IGF1R: variants seen among roughly 807,000 people sequenced by gnomAD.
IGF1R encodes insulin-like growth factor 1 receptor.
A neutral mutation model predicts 144.6 loss-of-function variants in IGF1R; 44 were observed. That is an observed-to-expected ratio of 0.30 (90% CI 0.24 to 0.39). The LOEUF is 0.39. Among genes scored for constraint, IGF1R ranks in the 10% least tolerant of loss-of-function variants. IGF1R has a pLI of 1.00. For synonymous variants in IGF1R, 795 were observed against 722.8 expected, an observed-to-expected ratio of 1.10 and a Z score of -1.60; for missense variants, 1,355 against 1,833.7, an observed-to-expected ratio of 0.74 and a Z score of 4.77.
intron 2 of IGF1R, among the ~76,000 whole-genome samples, chr15:98,856,325 C>T (rs1274752110): frequency 6.6e-6 from 1 of 152,212 alleles, no homozygotes; most frequent in Non-Finnish European, 1.5e-5. Context: ...TAGTCTTCAC[C>T]AGGGGAGCTT....
In IGF1R at chr15:98,963,850, C is replaced by T. The variant is rs2017323002; in HGVS notation, c.*6408C>T. On this transcript the variant is annotated 3_prime_UTR_variant, in exon 21 of 21. Transcript: ENST00000650285. ...ACAAAAATTGGTTTTAAAGTTGACT[C>T]CACTTCCTCTAACTCCAGTGGATTG... 4.3e-6 allele frequency: 1 copy of T among 233,038 alleles called. No individual in the cohort carries two copies. The highest frequency in any genetic ancestry group is 2.2e-5 in the African/African-American group (1 of 45,338). The allele number at this position is 233,038 out of a possible 1,614,324, so 14.4% of individuals were successfully genotyped here.
intron 1 of IGF1R, among the ~76,000 whole-genome samples, chr15:98,656,115 C>G (rs2052478974): frequency 6.6e-6 from 1 of 152,198 alleles, no homozygotes. Context: ...GGCCTTGTGT[C>G]CATGGAGCTC....
At chr15:98,652,548 C>G (rs556794328) in intron 1 of IGF1R, among the ~76,000 whole-genome samples, 1 of 152,268 alleles carries the variant, frequency 6.6e-6, no homozygotes, top group South Asian at 2.1e-4. Flanking sequence ...TGTAAAAGGT[C>G]ATAATGTTTG....
At chr15:98,938,956 G>A (rs1426100781) in intron 17 of IGF1R, among the ~76,000 whole-genome samples, 1 of 152,186 alleles carries the variant, frequency 6.6e-6, no homozygotes, top group African/African-American at 2.4e-5. Flanking sequence ...CCTAAAGAGT[G>A]CAAATTGGTG....
Position 98,960,685 on chromosome 15 carries a change from G to T in IGF1R, c.*3243G>T. 4.3e-6 allele frequency: 1 copy of T among 233,414 alleles called. No homozygotes were observed. The highest frequency in any genetic ancestry group is 8.5e-6 in the Non-Finnish European group (1 of 118,130). The allele number at this position is 233,414 out of a possible 1,614,324, so 14.5% of individuals were successfully genotyped here. A position where few individuals can be genotyped will look rare whatever the true frequency, so the allele number is the denominator to read the frequency against. On this transcript the variant is annotated 3_prime_UTR_variant, in exon 21 of 21. Coordinates refer to ENST00000650285, the MANE Select transcript of IGF1R (RefSeq NM_000875.5). ...TGAGCACAAAGGTGCAGCTGCAGCAGCAGCTGGAGAGCAAGAGTCACCCAG... is the reference window on the plus strand; with the variant it reads ...TGAGCACAAAGGTGCAGCTGCAGCATCAGCTGGAGAGCAAGAGTCACCCAG...
chr15:98,794,285 T>G (rs1273466570), intron 2 of IGF1R, among the ~76,000 whole-genome samples: 1 of 152,202 alleles, frequency 6.6e-6, no homozygotes, highest in Non-Finnish European at 1.5e-5. Context: ...AGGTGGACAT[T>G]GATTTCATGC....
chr15:98,930,116 C>G (rs775343503), intron 14 of IGF1R, 119 bp from the exon 15 acceptor site: 53 of 769,404 alleles, frequency 6.9e-5, no homozygotes, highest in Non-Finnish European at 8.3e-5. Flanking sequence ...AAGCTCTCCC[C>G]ATTCTGTTCT....
chr15:98,951,607 G>C (rs2016777240), intron 20 of IGF1R, among the ~76,000 whole-genome samples: 1 of 152,248 alleles, frequency 6.6e-6, no homozygotes, highest in African/African-American at 2.4e-5. Flanking sequence ...CAGCCCAGCT[G>C]TCCGCCGGGG....
chr15:98,915,987 C>G lies in IGF1R; in HGVS notation c.1852C>G (p.Leu618Val). 1.2e-6 allele frequency: 2 copies of G among 1,614,140 alleles called. No homozygotes were observed. The highest frequency in any genetic ancestry group is 1.7e-6 in the Non-Finnish European group (2 of 1,179,990). The part of the protein sequence containing the change: ...ASVPSIPLDV[L>V]SASNSSSQLI... ...AGTTCCTTCCATTCCCTTGGACGTTCTTTCAGCATCGAACTCCTCTTCTCA... is the reference window on the plus strand; with the variant it reads ...AGTTCCTTCCATTCCCTTGGACGTTGTTTCAGCATCGAACTCCTCTTCTCA... The change falls in exon 9 of 21, where the codon CTT becomes GTT. Residue 618 changes from leucine (L) to valine (V), a missense_variant. This residue lies in a region of IGF1R where 880 missense variants were observed against 1,202.7 expected (regional missense o/e 0.73). Coordinates refer to ENST00000650285, the MANE Select transcript of IGF1R (RefSeq NM_000875.5).
At chr15:98,776,717 G>A (rs1165448200) in intron 2 of IGF1R, among the ~76,000 whole-genome samples, 1 of 152,164 alleles carries the variant, frequency 6.6e-6, no homozygotes, top group Non-Finnish European at 1.5e-5. Context: ...AGGCCACAGC[G>A]GTGTGCAAGG....
At chr15:98,840,929 C>T (rs866166198) in intron 2 of IGF1R, among the ~76,000 whole-genome samples, 1 of 152,184 alleles carries the variant, frequency 6.6e-6, no homozygotes, top group Admixed American at 6.5e-5. Flanking sequence ...GATCCGCCCG[C>T]CTCGGCCTCC....
intron 2 of IGF1R, among the ~76,000 whole-genome samples, chr15:98,792,375 A>G (rs767678729): frequency 6.6e-6 from 1 of 152,234 alleles, no homozygotes; most frequent in Non-Finnish European, 1.5e-5. Context: ...GAGAGACTAG[A>G]GCACTCTCAA....
chr15:98,837,472 C>A (rs772925243), intron 2 of IGF1R, among the ~76,000 whole-genome samples: 1 of 152,122 alleles, frequency 6.6e-6, no homozygotes, highest in Non-Finnish European at 1.5e-5. Context: ...ATCTCCTGAC[C>A]GCCCACCTCG....
chr15:98,796,987 T>C (rs961551583), intron 2 of IGF1R, among the ~76,000 whole-genome samples: 1 of 152,164 alleles, frequency 6.6e-6, no homozygotes, highest in African/African-American at 2.4e-5. Flanking sequence ...CTGAGCCTGT[T>C]CCCCCCTCAT....
At chr15:98,768,981 C>A (rs1163201311) in intron 2 of IGF1R, among the ~76,000 whole-genome samples, 2 of 151,988 alleles carry the variant, frequency 1.3e-5, no homozygotes, top group African/African-American at 4.8e-5. Context: ...CCTGGTCTCC[C>A]AGAGCTTCCA....
intron 2 of IGF1R, among the ~76,000 whole-genome samples, chr15:98,730,292 C>G (rs889896284): frequency 6.6e-6 from 1 of 151,876 alleles, no homozygotes; most frequent in Non-Finnish European, 1.5e-5. Context: ...GATCCCAGGA[C>G]AGAATAAGTA....
At chr15:98,872,627 G>A (rs775293971) in intron 2 of IGF1R, among the ~76,000 whole-genome samples, 1 of 152,190 alleles carries the variant, frequency 6.6e-6, no homozygotes, top group Non-Finnish European at 1.5e-5. Context: ...AGTAGCACAG[G>A]TGAAATTTGT....
intron 2 of IGF1R, among the ~76,000 whole-genome samples, chr15:98,850,987 G>T (rs578166928): frequency 6.6e-6 from 1 of 152,276 alleles, no homozygotes; most frequent in South Asian, 2.1e-4. Context: ...AGTAGAGTCG[G>T]AGTACAGTGT....
intron 11 of IGF1R, among the ~76,000 whole-genome samples, chr15:98,923,564 T>C (rs1362458906): frequency 6.6e-6 from 1 of 152,260 alleles, no homozygotes; most frequent in African/African-American, 2.4e-5. Flanking sequence ...ATTTTCCTGC[T>C]GTGCTTGGCA....
Sources: allele counts gnomAD v4.1 joint callset (sites outside exome capture counted in the v4.1 genomes callset), GRCh38; gene constraint gnomAD v4.1.1; regional missense constraint gnomAD v4.1.1; transcripts MANE v1.5; gene names NCBI Gene and HGNC (gene_info 2026-07-23, HGNC 2026-07-21).